Variants in ATG7 observed in about 807,000 individuals in gnomAD.
The protein encoded by ATG7 is ubiquitin-like modifier-activating enzyme ATG7.
In ATG7, 70 loss-of-function variants were observed where a neutral mutation model predicts 82.4. The observed-to-expected ratio is 0.85, with a 90% CI of 0.70 to 1.04. ATG7 has a LOEUF of 1.04. Ranked by LOEUF, ATG7 falls within the 50% of genes least tolerant of loss-of-function variation. ATG7 has a pLI of 0.00. For missense variants in ATG7, 792 were observed against 864.3 expected (o/e 0.92, Z 1.05); for synonymous variants, 287 against 313.0 (o/e 0.92, Z 0.88).
At position 11,304,023 on chromosome 3, in the gene ATG7, G is replaced by A. The variant is rs538420008; in HGVS notation, c.216-2920G>A. ...GGAGAAAGGCGTGAACCTGGGAGGCGGAGCTTGCAGTGAGCCGAGATCGCA... is the reference window on the plus strand; with the variant it reads ...GGAGAAAGGCGTGAACCTGGGAGGCAGAGCTTGCAGTGAGCCGAGATCGCA... On this transcript the variant is annotated intron_variant, in intron 5 of 20. Coordinates refer to ENST00000693202, the MANE Select transcript of ATG7 (RefSeq NM_001349232.2). Among the ~76,000 whole-genome samples the A allele has an allele frequency of 3.8e-3, 581 of 152,122 alleles. 4 individuals are homozygous for A. The highest frequency in any genetic ancestry group is 0.013 in the African/African-American group (546 of 41,494).
intron 20 of ATG7, among the ~76,000 whole-genome samples, chr3:11,492,344 C>G (rs1033425906): frequency 3.3e-5 from 5 of 152,222 alleles, no homozygotes; most frequent in Admixed American, 1.3e-4. Flanking sequence ...TCTGCATACA[C>G]TGTCCTGCGC....
At chr3:11,417,770 A>G (rs1308621834) in intron 19 of ATG7, among the ~76,000 whole-genome samples, 2 of 146,720 alleles carry the variant, frequency 1.4e-5, no homozygotes, top group Non-Finnish European at 3.0e-5. Flanking sequence ...TTTGTGGTTT[A>G]CCAGCATTTA....
chr3:11,349,201 TG>T (rs1955071282), intron 14 of ATG7, among the ~76,000 whole-genome samples: 1 of 151,118 alleles, frequency 6.6e-6, no homozygotes, highest in Non-Finnish European at 1.5e-5. Flanking sequence ...GAGTGCTGAC[TG>T]GTGCATTTAC....
chr3:11,507,847 C>T (rs548960135), intron 20 of ATG7, among the ~76,000 whole-genome samples: 34 of 151,984 alleles, frequency 2.2e-4, no homozygotes, highest in African/African-American at 8.0e-4. Flanking sequence ...CTGGACCTGG[C>T]AGTTGCTCAC....
intron 20 of ATG7, among the ~76,000 whole-genome samples, chr3:11,457,235 A>G (rs2085823032): frequency 6.6e-6 from 1 of 152,172 alleles, no homozygotes; most frequent in Admixed American, 6.5e-5. Context: ...TGAGGTTAGA[A>G]GTATTGTTTC....
intron 19 of ATG7, among the ~76,000 whole-genome samples, chr3:11,417,805 ATTTTATTTTATTTT>A (rs2081513892): frequency 4.6e-4 from 24 of 52,668 alleles, no homozygotes; most frequent in Non-Finnish European, 7.3e-4. Flanking sequence ...TTATTATTTT[ATTTTATTTTATTTT>A]TTTTTTTTTT....
At chr3:11,278,607 A>G (rs1468499320) in intron 1 of ATG7, among the ~76,000 whole-genome samples, 3 of 152,242 alleles carry the variant, frequency 2.0e-5, no homozygotes, top group African/African-American at 7.2e-5. Context: ...CGAATAGGGG[A>G]AAATGAGAAG....
chr3:11,387,019 G>A (rs970443962), intron 19 of ATG7, among the ~76,000 whole-genome samples: 3 of 152,228 alleles, frequency 2.0e-5, no homozygotes, highest in African/African-American at 7.2e-5. Context: ...CAGGGAAATT[G>A]CAATGGCTGA....
intron 19 of ATG7, among the ~76,000 whole-genome samples, chr3:11,416,311 TC>T (rs2081369422): frequency 6.6e-6 from 1 of 152,192 alleles, no homozygotes; most frequent in Admixed American, 6.5e-5. Context: ...TTGGCAGAAT[TC>T]CCCCAGTGAG....
intron 19 of ATG7, among the ~76,000 whole-genome samples, chr3:11,395,649 A>G (rs1387085348): frequency 6.6e-6 from 1 of 152,174 alleles, no homozygotes; most frequent in Non-Finnish European, 1.5e-5. Context: ...ATACCGTTCA[A>G]GAATGAAAGG....
rs2072424547 is a variant in ATG7 at position 11,556,490 on chromosome 3, T to TGTTAC, written c.*1649_*1653dup. On this transcript the variant is annotated 3_prime_UTR_variant, in exon 21 of 21. Transcript: ENST00000693202. ...GCCGGTCAGCTGTGGGTGGTTTTCC[T>TGTTAC]GTTACGACGCTCAGTAGCCTGTAGC... 6.5e-6 allele frequency: 1 copy of TGTTAC among 152,686 alleles called. No homozygotes were observed. The highest frequency in any genetic ancestry group is 2.4e-5 in the African/African-American group (1 of 41,422). The allele number at this position is 152,686 out of a possible 1,614,324, so 9.5% of individuals were successfully genotyped here. A position where few individuals can be genotyped will look rare whatever the true frequency, so the allele number is the denominator to read the frequency against.
rs770483571 is a variant in ATG7, at chr3:11,347,887, T to C, written c.1136T>C (p.Val379Ala). ...NVARTLMGWG[V>A]RHITFVDNAK... The stretch of plus-strand genomic sequence containing the variant: ...CCTGTTTCCACACAGGGTTGGGGCG[T>C]GAGACACATCACATTTGTGGACAAT... Residue 379 changes from valine (V) to alanine (A), a missense_variant, in exon 14 of 21, where the codon GTG (valine) becomes GCG (alanine). Coordinates refer to ENST00000693202, the MANE Select transcript of ATG7 (RefSeq NM_001349232.2). 4 of 1,613,980 alleles carry C rather than the reference T, an allele frequency of 2.5e-6. No homozygotes were observed. Among genetic ancestry groups the C allele is most frequent in the Admixed American group, 3.3e-5 (2 of 60,016 alleles).
chr3:11,364,908 A>G (rs1255422453), intron 18 of ATG7, among the ~76,000 whole-genome samples, 174 bp downstream of exon 18: 2 of 152,232 alleles, frequency 1.3e-5, no homozygotes, highest in Admixed American at 6.5e-5. Context: ...TCTGCGGGAT[A>G]GTGATGGGAG....
At chr3:11,443,896 A>C (rs1270581056) in intron 20 of ATG7, among the ~76,000 whole-genome samples, 1 of 152,228 alleles carries the variant, frequency 6.6e-6, no homozygotes, top group Non-Finnish European at 1.5e-5. Context: ...TTAAACACCC[A>C]GGTCAAAAAA....
intron 19 of ATG7, 96 bp downstream of exon 19, chr3:11,380,148 G>A (rs990726385): frequency 1.7e-6 from 2 of 1,187,468 alleles, no homozygotes; most frequent in African/African-American, 1.5e-5. Context: ...AACCAACTAA[G>A]GGCTTTTTGT....
intron 20 of ATG7, among the ~76,000 whole-genome samples, chr3:11,546,262 T>G (rs111827101): frequency 1.2e-3 from 180 of 147,496 alleles, no homozygotes; most frequent in African/African-American, 4.1e-3. Flanking sequence ...ACCTCTTCCT[T>G]CCGGGTTCAA....
At chr3:11,433,919 G>A (rs766941985) in intron 20 of ATG7, among the ~76,000 whole-genome samples, 1 of 152,190 alleles carries the variant, frequency 6.6e-6, no homozygotes, top group Non-Finnish European at 1.5e-5. Context: ...GAAATGAACA[G>A]GGCTGAGCTG....
chr3:11,334,403 C>T (rs1286680766), intron 11 of ATG7, among the ~76,000 whole-genome samples: 2 of 151,836 alleles, frequency 1.3e-5, no homozygotes, highest in African/African-American at 4.8e-5. Context: ...CGCCACCATG[C>T]CCAGCTAATA....
At chr3:11,537,344 G>A (rs1356428574) in intron 20 of ATG7, among the ~76,000 whole-genome samples, 3 of 152,012 alleles carry the variant, frequency 2.0e-5, no homozygotes, top group African/African-American at 7.3e-5. Context: ...CTTTCCTTGG[G>A]TGGATCTGGT....
Sources: gnomAD v4.1 joint callset for allele counts (sites outside exome capture counted in the v4.1 genomes callset) on GRCh38, gnomAD v4.1.1 for gene constraint, MANE v1.5 for transcripts, NCBI Gene and HGNC (gene_info 2026-07-23, HGNC 2026-07-21) for gene names.